The following PCDH7 variants were observed in gnomAD, a reference collection of about 807,000 sequenced individuals.
PCDH7 encodes the protein protocadherin 7.
A neutral mutation model predicts 58.9 loss-of-function variants in PCDH7; 17 were observed. That is an observed-to-expected ratio of 0.29 (90% confidence interval 0.20 to 0.43). PCDH7 has a LOEUF of 0.43. Ranked by LOEUF, PCDH7 falls within the 20% of genes least tolerant of loss-of-function variation. PCDH7 has a pLI of 1.00. For synonymous variants in PCDH7, 664 were observed against 616.4 expected (o/e 1.08, Z -1.14); for missense variants, 1,274 against 1,441.0 (o/e 0.88, Z 1.88).
chr4:30,914,900 T>C (rs1742237087), intron 1 of PCDH7, among the ~76,000 whole-genome samples: 1 of 152,200 alleles, frequency 6.6e-6, no homozygotes, highest in Admixed American at 6.5e-5. Context: ...AATAGAATTC[T>C]TTTCTTGTTC....
intron 1 of PCDH7, among the ~76,000 whole-genome samples, chr4:30,819,954 G>A (rs1728172506): frequency 6.6e-6 from 1 of 152,058 alleles, no homozygotes; most frequent in African/African-American, 2.4e-5. Context: ...CCTTGTAAGG[G>A]TGCTCTAAAT....
At chr4:31,021,209 T>C (rs1753991979) in intron 3 of PCDH7, among the ~76,000 whole-genome samples, 1 of 152,146 alleles carries the variant, frequency 6.6e-6, no homozygotes, top group African/African-American at 2.4e-5. Flanking sequence ...CCCAGAGAAT[T>C]AGATGCCATT....
At chr4:30,968,985 G>A (rs896569699) in intron 3 of PCDH7, among the ~76,000 whole-genome samples, 14 of 152,226 alleles carry the variant, frequency 9.2e-5, no homozygotes, top group Admixed American at 9.2e-4. Flanking sequence ...TCAGGATCCT[G>A]CATAAAATTG....
At chr4:31,124,899 A>G (rs1192330378) in intron 3 of PCDH7, among the ~76,000 whole-genome samples, 1 of 152,142 alleles carries the variant, frequency 6.6e-6, no homozygotes, top group Admixed American at 6.6e-5. Context: ...TGCTTCTCAC[A>G]TCTAATTCGC....
chr4:31,129,724 C>T (rs1578875444), intron 3 of PCDH7, among the ~76,000 whole-genome samples: 1 of 152,042 alleles, frequency 6.6e-6, no homozygotes, highest in East Asian at 1.9e-4. Flanking sequence ...CCTCCACATC[C>T]CAGGTTCAAG....
chr4:31,135,504 T>A (rs1163338064), intron 3 of PCDH7, among the ~76,000 whole-genome samples: 1 of 152,178 alleles, frequency 6.6e-6, no homozygotes, highest in Non-Finnish European at 1.5e-5. Context: ...TATCACAGAC[T>A]CTATCAGCAT....
intron 3 of PCDH7, among the ~76,000 whole-genome samples, chr4:31,082,546 T>A (rs1711629918): frequency 1.3e-5 from 2 of 152,160 alleles, no homozygotes; most frequent in Non-Finnish European, 2.9e-5. Context: ...AGAAAGAGCC[T>A]TTAAAAAGCA....
At chr4:30,961,542 A>G (rs896276935) in intron 3 of PCDH7, among the ~76,000 whole-genome samples, 1 of 151,850 alleles carries the variant, frequency 6.6e-6, no homozygotes, top group Non-Finnish European at 1.5e-5. Context: ...ACAGAGTGAG[A>G]CTCCATCTCA....
chr4:30,814,107 T>C (rs984765903), intron 1 of PCDH7, among the ~76,000 whole-genome samples: 1 of 152,132 alleles, frequency 6.6e-6, no homozygotes, highest in Non-Finnish European at 1.5e-5. Flanking sequence ...TATTTATGTA[T>C]ATTTACAGAT....
intron 3 of PCDH7, among the ~76,000 whole-genome samples, chr4:31,033,299 A>G (rs2109190678): frequency 6.6e-6 from 1 of 152,356 alleles, no homozygotes; most frequent in Non-Finnish European, 1.5e-5. Context: ...CAGCCTAACA[A>G]ATTGTAAAAT....
At position 30,721,384 on chromosome 4, in the gene PCDH7, T is replaced by C; in HGVS notation, c.-39T>C. On this transcript the variant is annotated 5_prime_UTR_variant, in exon 1 of 2. Coordinates refer to ENST00000361762, the Ensembl canonical transcript of PCDH7. This position sits in a 1 kb window ranked among gnomAD's most constrained non-coding sequence, Gnocchi z 6.7. ...CGGAGGAGGGGGGCGCCGAGGGGGC[T>C]GTGGTTAGAAGGAGCAGTAGCAGCA... 1 of 1,439,838 alleles carries C rather than the reference T, an allele frequency of 6.9e-7. No individual in the cohort carries two copies. 89.2% of individuals were successfully genotyped at this position (1,439,838 alleles called of 1,614,324 possible). A position where few individuals can be genotyped will look rare whatever the true frequency, so the allele number is the denominator to read the frequency against.
At chr4:30,792,799 C>T (rs989263628) in intron 1 of PCDH7, among the ~76,000 whole-genome samples, 2 of 151,974 alleles carry the variant, frequency 1.3e-5, no homozygotes, top group African/African-American at 4.8e-5. Flanking sequence ...TTTTTTCTCC[C>T]CTATGTGTCA....
chr4:31,056,518 G>GA lies in PCDH7; in HGVS notation c.*8-85955_*8-85954insA, dbSNP rs1560608945. 4.3e-4 allele frequency among the ~76,000 whole-genome samples: 32 copies of GA among 74,994 alleles called. 1 individual carries two copies. Among genetic ancestry groups the GA allele is most frequent in the Non-Finnish European group, 1.1e-4 (4 of 34,918 alleles). 49.2% of individuals were successfully genotyped at this position (74,994 alleles called of 152,430 possible). A position where few individuals can be genotyped will look rare whatever the true frequency, so the allele number is the denominator to read the frequency against. On this transcript the variant is annotated intron_variant, in intron 3 of 3. Transcript: ENST00000509759. ...GAAAGAAAGAAAGAAAGAAAGAAAG[G>GA]GGAAGGGAAGGGAAGGAAGGAGAGA...
intron 1 of PCDH7, among the ~76,000 whole-genome samples, chr4:30,850,330 T>C (rs917754952): frequency 3.3e-5 from 5 of 152,118 alleles, no homozygotes; most frequent in African/African-American, 1.2e-4. Flanking sequence ...GCTTTCATAT[T>C]GATTTTCCCC....
At chr4:30,901,817 C>T (rs926887574) in intron 1 of PCDH7, among the ~76,000 whole-genome samples, 2 of 151,996 alleles carry the variant, frequency 1.3e-5, no homozygotes, top group Non-Finnish European at 2.9e-5. Flanking sequence ...CAAGTTCTAC[C>T]GACCTTTACT....
intron 1 of PCDH7, among the ~76,000 whole-genome samples, chr4:30,857,540 T>G (rs966770784): frequency 1.3e-5 from 2 of 152,160 alleles, no homozygotes; most frequent in South Asian, 4.1e-4. Flanking sequence ...GTCTGGGTTG[T>G]GCATAGGTGT....
At chr4:31,024,568 G>A (rs1183630200) in intron 3 of PCDH7, among the ~76,000 whole-genome samples, 2 of 152,076 alleles carry the variant, frequency 1.3e-5, no homozygotes, top group Admixed American at 1.3e-4. Context: ...GTATAATACT[G>A]AAGATGGATA....
At chr4:30,786,418 G>A (rs145222907) in intron 1 of PCDH7, among the ~76,000 whole-genome samples, 53 of 152,120 alleles carry the variant, frequency 3.5e-4, no homozygotes, top group African/African-American at 1.2e-3. Context: ...ACATTTCATA[G>A]CCTTGAAAAG....
chr4:31,120,876 C>T (rs1013262952), intron 3 of PCDH7, among the ~76,000 whole-genome samples: 6 of 152,104 alleles, frequency 3.9e-5, no homozygotes, highest in Admixed American at 3.9e-4. Flanking sequence ...ACAACACTTG[C>T]CTGTTTCTCT....
Sources: allele counts gnomAD v4.1 joint callset (sites outside exome capture counted in the v4.1 genomes callset), GRCh38; gene constraint gnomAD v4.1.1; non-coding constraint Gnocchi (gnomAD v3.1); transcripts MANE v1.5; gene names NCBI Gene and HGNC (gene_info 2026-07-23, HGNC 2026-07-21).